The following KRT75 variants were observed in gnomAD, a reference collection of about 807,000 sequenced individuals.
The protein encoded by KRT75 is keratin 75.
In KRT75, 35 loss-of-function variants were observed where a neutral mutation model predicts 48.8. That is an observed-to-expected ratio of 0.72 (90% confidence interval 0.55 to 0.95). The LOEUF is 0.95. KRT75 is among the 40% of genes least tolerant of loss of function. The pLI is 0.00. For synonymous variants in KRT75, 301 were observed against 282.3 expected, an observed-to-expected ratio of 1.07 and a Z score of -0.66; for missense variants, 776 against 709.9, an observed-to-expected ratio of 1.09 and a Z score of -1.06.
At chr12:52,425,479 A>G (rs1940065720) in intron 8 of KRT75, among the ~76,000 whole-genome samples, 1 of 152,266 alleles carries the variant, frequency 6.6e-6, no homozygotes, top group South Asian at 2.1e-4. Context: ...TAAAGTCTGT[A>G]GGGTGGGCCC....
chr12:52,433,681 G>T, intron 1 of KRT75, 126 bp downstream of exon 1: 1 of 1,437,014 alleles, frequency 7.0e-7, no homozygotes, highest in East Asian at 2.3e-5. Context: ...GCCCCTGGGA[G>T]CCCGTGCTGA....
chr12:52,430,514 A>G, intron 5 of KRT75, 27 bp downstream of exon 5: 6 of 1,611,104 alleles, frequency 3.7e-6, no homozygotes, highest in Non-Finnish European at 5.1e-6. Flanking sequence ...TAACCCTGGA[A>G]CCTCTCATGG....
chr12:52,428,665 G>C lies in KRT75; in HGVS notation c.1114C>G (p.Arg372Gly). 6.2e-7 allele frequency: 1 copy of C among 1,614,170 alleles called. No homozygotes were observed. Residue 372 changes from arginine (R) to glycine (G), a missense_variant, in exon 6 of 9, where the codon CGC becomes GGC. Transcript: ENST00000252245. The stretch of plus-strand genomic sequence containing the variant: ...TCAGCTCTCAGCCTCTGGATCATGC[G>C]GTTCATTTCAGAGATCTCTTGTTTG... ...NTKQEISEMN[R>G]MIQRLRAEID...
Position 52,433,146 on chromosome 12 carries a change from G to A in KRT75, c.605C>T (p.Ser202Phe). Reference sequence around the variant, plus strand: ...CTGCCGTCGGAGCTCACTGGTATAGGAATCAAAGAGGGGCTCTAGGTTCTG... The same window carrying A: ...CTGCCGTCGGAGCTCACTGGTATAGAAATCAAAGAGGGGCTCTAGGTTCTG... The part of the protein sequence containing the change: ...VRQNLEPLFD[S>F]YTSELRRQLE... Residue 202 changes from serine to phenylalanine, a missense_variant, in exon 2 of 9, where the codon TCC (serine) becomes TTC (phenylalanine). Ser to Phe is a radical substitution (Grantham distance 155, BLOSUM62 -2). Transcript: ENST00000252245. The A allele has an allele frequency of 1.2e-6, 2 of 1,613,860 alleles. No individual in the cohort carries two copies. Among genetic ancestry groups the A allele is most frequent in the South Asian group, 1.1e-5 (1 of 91,026 alleles).
At chr12:52,430,326 G>T (rs777748089) in intron 5 of KRT75, among the ~76,000 whole-genome samples, 1 of 152,082 alleles carries the variant, frequency 6.6e-6, no homozygotes, top group Non-Finnish European at 1.5e-5. Context: ...GCCAGTGGAT[G>T]TCCTGAGCTC....
At chr12:52,432,196 T>C in intron 2 of KRT75, 130 bp from the exon 3 acceptor site, 3 of 820,672 alleles carry the variant, frequency 3.7e-6, no homozygotes, top group Admixed American at 4.2e-5. Context: ...TGACTTTGGG[T>C]GATTCATTTA....
chr12:52,434,299 A>G lies in KRT75; in HGVS notation c.6T>C (p.Ser2=). ...ACTGGAAGGTGATGGAGGACTGCCG[A>G]GACATGGTGGGTGAGGAAGGCCGGC... The part of the protein sequence containing the change: M[S]RQSSITFQSG... Residue 2 remains serine (S), a synonymous_variant, in exon 1 of 9, where the codon TCT becomes TCC. Transcript: ENST00000252245. The G allele has an allele frequency of 6.3e-7, 1 of 1,587,174 alleles. No individual in the cohort carries two copies.
In KRT75 at chr12:52,424,720, T is replaced by A. The variant is rs298104; in HGVS notation, c.1453A>T (p.Ser485Cys). The change falls in exon 9 of 9, where the codon AGC becomes TGC. Residue 485 changes from serine (S) to cysteine (C), a missense_variant. Ser to Cys is a moderately radical substitution (Grantham distance 112). Transcript: ENST00000252245. Reference protein sequence around the residue: ...VTSTLSSGYGSGSSIGGGNLG... With the variant: ...VTSTLSSGYGCGSSIGGGNLG... Reference sequence around the variant, plus strand: ...TTTCCACCTCCAATGCTGCTGCCGCTTCCATAGCCACTGGAAAGAGTAGAG... The same window carrying A: ...TTTCCACCTCCAATGCTGCTGCCGCATCCATAGCCACTGGAAAGAGTAGAG... 8 of 1,613,628 alleles carry A rather than the reference T, an allele frequency of 5.0e-6. No homozygotes were observed. Among genetic ancestry groups the A allele is most frequent in the Admixed American group, 3.3e-5 (2 of 59,984 alleles).
At position 52,428,253 on chromosome 12, in the gene KRT75, C is replaced by T; in HGVS notation, c.1382+3G>A. The T allele has an allele frequency of 6.2e-7, 1 of 1,613,800 alleles. No individual in the cohort carries two copies. Among genetic ancestry groups the T allele is most frequent in the Non-Finnish European group, 8.5e-7 (1 of 1,180,036 alleles). On this transcript the variant is annotated splice_donor_region_variant and intron_variant, in intron 7 of 8. Transcript: ENST00000252245. ...GAGGATGAAGTTGGTGCATCTGCCT[C>T]ACCTGCACTCCTCGCCTTCCAGCAG...
intron 7 of KRT75, among the ~76,000 whole-genome samples, 181 bp from the exon 8 acceptor site, chr12:52,427,032 T>G (rs1015167913): frequency 6.6e-6 from 1 of 152,214 alleles, no homozygotes; most frequent in African/African-American, 2.4e-5. Flanking sequence ...ATATTAATAA[T>G]CTAATGAATA....
rs1156523462 is a variant in KRT75 at position 52,431,648 on chromosome 12, C to T, written c.775-10G>A. 2 of 1,597,916 alleles carry T rather than the reference C, an allele frequency of 1.3e-6. No individual in the cohort carries two copies. Among genetic ancestry groups the T allele is most frequent in the Non-Finnish European group, 1.7e-6 (2 of 1,165,352 alleles). Reference sequence around the variant, plus strand: ...AGGCAGCATCTACGTCCTGGAATGACAGCGCAGGATGCTCCTTTGAGTCTG... The same window carrying T: ...AGGCAGCATCTACGTCCTGGAATGATAGCGCAGGATGCTCCTTTGAGTCTG... On this transcript the variant is annotated splice_polypyrimidine_tract_variant and intron_variant, in intron 3 of 8. Coordinates refer to ENST00000252245, the MANE Select transcript of KRT75 (RefSeq NM_004693.3).
rs756700654 is a variant in KRT75, at chr12:52,428,725, T to G, written c.1054A>C (p.Thr352Pro). Residue 352 changes from threonine (T) to proline (P), a missense_variant, in exon 6 of 9, where the codon ACC (threonine) becomes CCC (proline). By Grantham distance (38) the Thr-to-Pro change is conservative (BLOSUM62 -1). Coordinates refer to ENST00000252245, the MANE Select transcript of KRT75 (RefSeq NM_004693.3). Reference sequence around the variant, plus strand: ...AGGTCATCCCCATGTCTGCCTGCGGTGACCTGCAGCTCCTCGTACTGAGAG... The same window carrying G: ...AGGTCATCCCCATGTCTGCCTGCGGGGACCTGCAGCTCCTCGTACTGAGAG... The part of the protein sequence containing the change: ...YQTKYEELQV[T>P]AGRHGDDLRN... The G allele has an allele frequency of 6.2e-7, 1 of 1,614,048 alleles. No individual in the cohort carries two copies. The highest frequency in any genetic ancestry group is 1.7e-5 in the Admixed American group (1 of 60,012).
Position 52,433,253 on chromosome 12 carries a change from C to T in KRT75, c.499-1G>A, listed in dbSNP as rs541672130. 24 of 1,613,100 alleles carry T rather than the reference C, an allele frequency of 1.5e-5. 2 individuals carry two copies. In the South Asian group the frequency reaches 2.3e-4, roughly 16 times the overall value. ...TGTTCTGCTGCTCCAAGAACCTCAC[C>T]TGGAGGGAAGAAGAGAGAATGAAAC... On this transcript the variant is annotated splice_acceptor_variant, in intron 1 of 8. Coordinates refer to ENST00000252245, the MANE Select transcript of KRT75 (RefSeq NM_004693.3). LOFTEE classifies it high-confidence loss of function.
At chr12:52,433,333 A>G in intron 1 of KRT75, 81 bp from the exon 2 acceptor site, 1 of 1,239,184 alleles carries the variant, frequency 8.1e-7, no homozygotes, top group South Asian at 1.2e-5. Flanking sequence ...GGAGAGAAGA[A>G]AAAGATATTT....
Position 52,428,418 on chromosome 12 carries a change from T to G in KRT75, c.1220A>C (p.Lys407Thr). The change falls in exon 7 of 9, where the codon AAG becomes ACG. Residue 407 changes from lysine to threonine, a missense_variant. Physicochemically the swap from Lys to Thr is moderately conservative, Grantham distance 78. Coordinates refer to ENST00000252245, the MANE Select transcript of KRT75 (RefSeq NM_004693.3). ...GTCCACCAGCTTGGCCCGTGCATCCTTGAGAGCCAGTTCTCCCCGCTGCTC... is the reference window on the plus strand; with the variant it reads ...GTCCACCAGCTTGGCCCGTGCATCCGTGAGAGCCAGTTCTCCCCGCTGCTC... Reference protein sequence around the residue: ...DAEQRGELALKDARAKLVDLE... With the variant: ...DAEQRGELALTDARAKLVDLE... The G allele has an allele frequency of 6.2e-7, 1 of 1,614,132 alleles. No homozygotes were observed. The highest frequency in any genetic ancestry group is 8.5e-7 in the Non-Finnish European group (1 of 1,180,012).
chr12:52,433,667 C>T (rs1197121464), intron 1 of KRT75, 140 bp downstream of exon 1: 5 of 1,361,392 alleles, frequency 3.7e-6, no homozygotes, highest in Non-Finnish European at 5.1e-6. Flanking sequence ...TTGGAAGGGT[C>T]TCAGCCCCTG....
chr12:52,428,128 GC>G (rs1452876890), intron 7 of KRT75, 127 bp downstream of exon 7: 62 of 1,191,254 alleles, frequency 5.2e-5, no homozygotes, highest in Admixed American at 1.9e-4. Flanking sequence ...TTTTGCCATA[GC>G]CCAATTCTGA....
In KRT75 at chr12:52,433,904, A is replaced by T. The variant is rs752529403; in HGVS notation, c.401T>A (p.Leu134His). The T allele has an allele frequency of 1.2e-6, 2 of 1,614,136 alleles. No individual in the cohort carries two copies. Among genetic ancestry groups the T allele is most frequent in the Non-Finnish European group, 1.7e-6 (2 of 1,180,014 alleles). ...VTVNQSLLTP[L>H]HLQIDPTIQR... ...GATGGTGGGGTCGATTTGCAGGTGA[A>T]GAGGAGTCAGGAGACTCTGGTTGAC... The change falls in exon 1 of 9, where the codon CTT becomes CAT. Residue 134 changes from leucine (L) to histidine (H), a missense_variant. Leu to His is a moderately conservative substitution (Grantham distance 99, BLOSUM62 -3). Coordinates refer to ENST00000252245, the MANE Select transcript of KRT75 (RefSeq NM_004693.3).
chr12:52,428,793 G>A (rs572304768), intron 5 of KRT75, 50 bp from the exon 6 acceptor site: 1 of 1,612,340 alleles, frequency 6.2e-7, no homozygotes, highest in Non-Finnish European at 8.5e-7. Context: ...CCTGGCCCAG[G>A]CACTCGCTGT....
Sources: gnomAD v4.1 joint callset for allele counts (sites outside exome capture counted in the v4.1 genomes callset) on GRCh38, gnomAD v4.1.1 for gene constraint, MANE v1.5 for transcripts, NCBI Gene and HGNC (gene_info 2026-07-23, HGNC 2026-07-21) for gene names.